Variants in THOC6 observed in about 807,000 individuals in gnomAD.
The protein encoded by THOC6 is THO complex 6.
THOC6 carries 39 observed loss-of-function variants against 55.8 expected under a neutral mutation model. The ratio of observed to expected loss-of-function variants is 0.70; its 90% CI spans 0.54 to 0.91. THOC6 has a LOEUF of 0.91. Ranked by LOEUF, THOC6 falls within the 40% of genes least tolerant of loss-of-function variation. THOC6 has a pLI of 0.00. For missense variants in THOC6, 482 were observed against 442.0 expected, an observed-to-expected ratio of 1.09 and a Z score of -0.81; for synonymous variants, 192 against 175.6, an observed-to-expected ratio of 1.09 and a Z score of -0.74.
In THOC6 at chr16:3,026,183, G is replaced by C. The variant is rs933716814; in HGVS notation, c.324+17G>C. On this transcript the variant is annotated intron_variant, in intron 4 of 12. Transcript: ENST00000326266. ...CTCAAGAAGGTAAGGAGTCGAGCTTGGGAAAGGGCTGGGGTGCCTGGACCC... is the reference window on the plus strand; with the variant it reads ...CTCAAGAAGGTAAGGAGTCGAGCTTCGGAAAGGGCTGGGGTGCCTGGACCC... 4 of 1,612,036 alleles carry C rather than the reference G, an allele frequency of 2.5e-6. No individual in the cohort carries two copies. Among genetic ancestry groups the C allele is most frequent in the Middle Eastern group, 1.7e-4 (1 of 6,050 alleles).
chr16:3,026,576 G>A lies in THOC6; in HGVS notation c.472G>A (p.Gly158Arg), dbSNP rs1359423985. Reference sequence around the variant, plus strand: ...GTTGCACACTATGGACCTTGAAACTGGGACTTTCACGGTGAGCAGGGTCCT... The same window carrying A: ...GTTGCACACTATGGACCTTGAAACTAGGACTTTCACGGTGAGCAGGGTCCT... ...CQLHTMDLET[G>R]TFTRVLRGHT... Residue 158 changes from glycine (G) to arginine (R), a missense_variant, in exon 7 of 13, where the codon GGG becomes AGG. Physicochemically the swap from Gly to Arg is moderately radical, Grantham distance 125 (BLOSUM62 -2). Transcript: ENST00000326266. 1 of 1,614,094 alleles carries A rather than the reference G, an allele frequency of 6.2e-7. No homozygotes were observed. The highest frequency in any genetic ancestry group is 2.2e-5 in the East Asian group (1 of 44,884).
At position 3,025,942 on chromosome 16, in the gene THOC6, C is replaced by G. The variant is rs778312015; in HGVS notation, c.174C>G (p.Ser58Arg). The G allele has an allele frequency of 4.3e-6, 7 of 1,614,106 alleles. No individual in the cohort carries two copies. The highest frequency in any genetic ancestry group is 5.1e-6 in the Non-Finnish European group (6 of 1,180,056). ...IAIFSLSSAL[S>R]SEAKEESKKP... ...CCTGCAGCTTGTCCTCTGCTTTGAG[C>G]TCAGAAGCCAAAGAGGAAAGTAAGA... The change falls in exon 3 of 13, where the codon AGC (serine) becomes AGG (arginine). Residue 58 changes from serine to arginine, a missense_variant. Coordinates refer to ENST00000326266, the MANE Select transcript of THOC6 (RefSeq NM_024339.5).
Position 3,024,181 on chromosome 16 carries a change from C to G in THOC6, c.-146C>G, listed in dbSNP as rs558356453. ...TGTCGGGGGTCTTCGCGGCGCTCAC[C>G]TCGGCTCCTAGGGTTCGGGACGGTA... is the stretch of plus-strand genomic sequence containing the variant. On this transcript the variant is annotated 5_prime_UTR_variant, in exon 1 of 13. Transcript: ENST00000326266. The G allele has an allele frequency of 2.0e-6, 2 of 1,004,246 alleles. No homozygotes were observed. The highest frequency in any genetic ancestry group is 1.5e-6 in the Non-Finnish European group (1 of 669,868). 62.2% of individuals were successfully genotyped at this position (1,004,246 alleles called of 1,614,324 possible). A position where few individuals can be genotyped will look rare whatever the true frequency, so the allele number is the denominator to read the frequency against.
In THOC6 at chr16:3,027,298, AC is replaced by A; in HGVS notation, c.810+19del. On this transcript the variant is annotated intron_variant, in intron 11 of 12. Transcript: ENST00000326266. ...AGGACCTGGTGAGGCCCTGTGTCTCACTTCTGCCACCCCCACTGACTCTTCC... is the reference window on the plus strand; with the variant it reads ...AGGACCTGGTGAGGCCCTGTGTCTCATTCTGCCACCCCCACTGACTCTTCC... 6.2e-7 allele frequency: 1 copy of A among 1,614,148 alleles called. No homozygotes were observed.
intron 7 of THOC6, 42 bp from the exon 8 acceptor site, chr16:3,026,637 C>G (rs1449123283): frequency 6.2e-7 from 1 of 1,611,432 alleles, no homozygotes; most frequent in Non-Finnish European, 8.5e-7. Context: ...GGGAGAGGCA[C>G]TCTTCCTAGG....
chr16:3,024,219 C>G lies in THOC6; in HGVS notation c.-108C>G. ...GTTCGGGACGGTACGCACCAGCCACCTTCGCGCCGAAGGCGGTAGGGCGCC... is the reference window on the plus strand; with the variant it reads ...GTTCGGGACGGTACGCACCAGCCACGTTCGCGCCGAAGGCGGTAGGGCGCC... On this transcript the variant is annotated 5_prime_UTR_variant, in exon 1 of 13. Transcript: ENST00000326266. 1 of 1,441,714 alleles carries G rather than the reference C, an allele frequency of 6.9e-7. No homozygotes were observed. Among genetic ancestry groups the G allele is most frequent in the Non-Finnish European group, 9.6e-7 (1 of 1,036,640 alleles). 89.3% of individuals were successfully genotyped at this position (1,441,714 alleles called of 1,614,324 possible). A position where few individuals can be genotyped will look rare whatever the true frequency, so the allele number is the denominator to read the frequency against.
rs1051024053 is a variant in THOC6, at chr16:3,024,090, G to A, written c.-237G>A. The A allele has an allele frequency of 5.3e-6, 4 of 750,222 alleles. No homozygotes were observed. The South Asian group carries it at 7.3e-5, about 14-fold the overall frequency. The allele number at this position is 750,222 out of a possible 1,614,324, so 46.5% of individuals were successfully genotyped here. Reference sequence around the variant, plus strand: ...GACGGGCGGCGCGTGGCGGAAGGCAGGCTTGCTCCTCGGGGTGGGGGAGGG... The same window carrying A: ...GACGGGCGGCGCGTGGCGGAAGGCAAGCTTGCTCCTCGGGGTGGGGGAGGG... On this transcript the variant is annotated 5_prime_UTR_variant, in exon 1 of 13. Coordinates refer to ENST00000326266, the MANE Select transcript of THOC6 (RefSeq NM_024339.5).
At chr16:3,024,386 G>C (rs113792701) in intron 1 of THOC6, 21 bp downstream of exon 1, 5 of 1,614,108 alleles carry the variant, frequency 3.1e-6, no homozygotes, top group South Asian at 1.1e-5. Flanking sequence ...CGTGGTGCGC[G>C]TTGCCTTCTG....
Position 3,026,066 on chromosome 16 carries a change from A to T in THOC6, c.224A>T (p.His75Leu), listed in dbSNP as rs1243956756. ...TCAGTTCTGCATTTCTCTTTAGCCCATGATGGGCCCGTCTATAGCATGGTT... is the reference window on the plus strand; with the variant it reads ...TCAGTTCTGCATTTCTCTTTAGCCCTTGATGGGCCCGTCTATAGCATGGTT... The part of the protein sequence containing the change: ...SKKPVVTFQA[H>L]DGPVYSMVST... The change falls in exon 4 of 13, where the codon CAT (histidine) becomes CTT (leucine). Residue 75 changes from histidine (H) to leucine (L), a missense_variant. Transcript: ENST00000326266. The T allele has an allele frequency of 6.2e-7, 1 of 1,612,628 alleles. No individual in the cohort carries two copies. Among genetic ancestry groups the T allele is most frequent in the African/African-American group, 1.3e-5 (1 of 75,022 alleles).
chr16:3,026,646 G>A, intron 7 of THOC6, 33 bp from the exon 8 acceptor site: 1 of 1,611,038 alleles, frequency 6.2e-7, no homozygotes, highest in Non-Finnish European at 8.5e-7. Flanking sequence ...ACTCTTCCTA[G>A]GTCTCCTCCT....
chr16:3,024,068 G>A lies in THOC6; in HGVS notation c.-259G>A, dbSNP rs868090543. ...GAGGTTCTGCGCGGGCGCGGAAGAC[G>A]GGCGGCGCGTGGCGGAAGGCAGGCT... On this transcript the variant is annotated 5_prime_UTR_variant, in exon 1 of 13. Coordinates refer to ENST00000326266, the MANE Select transcript of THOC6 (RefSeq NM_024339.5). 2.0e-5 allele frequency: 17 copies of A among 837,358 alleles called. No homozygotes were observed. In the Middle Eastern group the frequency reaches 4.2e-3, roughly 205 times the overall value. The allele number at this position is 837,358 out of a possible 1,614,324, so 51.9% of individuals were successfully genotyped here.
In THOC6 at chr16:3,027,516, G is replaced by A. The variant is rs1349526149; in HGVS notation, c.945+16G>A. 1 of 1,611,912 alleles carries A rather than the reference G, an allele frequency of 6.2e-7. No homozygotes were observed. Among genetic ancestry groups the A allele is most frequent in the Admixed American group, 1.7e-5 (1 of 59,866 alleles). On this transcript the variant is annotated intron_variant, in intron 12 of 12. Coordinates refer to ENST00000326266, the MANE Select transcript of THOC6 (RefSeq NM_024339.5). ...TGAGTGCAAGGTGGGTCCGGCAGGG[G>A]CCGCGGAGCGGCTGGGAGGCAGGGG...
At position 3,027,177 on chromosome 16, in the gene THOC6, G is replaced by A; in HGVS notation, c.707G>A (p.Gly236Glu). The change falls in exon 11 of 13, where the codon GGA (glycine) becomes GAA (glutamate). Residue 236 changes from glycine (G) to glutamate (E), a missense_variant. Coordinates refer to ENST00000326266, the MANE Select transcript of THOC6 (RefSeq NM_024339.5). ...TCCCACCTTTCTGTCCAGGTCTGTG[G>A]AGGGGGCCCAGCCCTCACCCTCTGG... ...LATDSDWMVC[G>E]GGPALTLWHL... The A allele has an allele frequency of 6.2e-7, 1 of 1,614,142 alleles. No individual in the cohort carries two copies.
In THOC6 at chr16:3,025,732, C is replaced by T. The variant is rs781464522; in HGVS notation, c.64C>T (p.Arg22Trp). 25 of 1,613,950 alleles carry T rather than the reference C, an allele frequency of 1.5e-5. No homozygotes were observed. Among genetic ancestry groups the T allele is most frequent in the South Asian group, 8.8e-5 (8 of 91,078 alleles). The change falls in exon 2 of 13, where the codon CGG becomes TGG. Residue 22 changes from arginine (R) to tryptophan (W), a missense_variant. Physicochemically the swap from Arg to Trp is moderately radical, Grantham distance 101 (BLOSUM62 -3). Transcript: ENST00000326266. ...GQTEVFQALQ[R>W]LHMTIFSQSV... is the part of the protein sequence containing the mutation. ...GACAGAGGTGTTCCAGGCCTTGCAG[C>T]GGCTCCATATGACCATCTTCTCCCA...
At chr16:3,025,512 C>G (rs140851899) in intron 1 of THOC6, among the ~76,000 whole-genome samples, 196 bp from the exon 2 acceptor site, 1 of 152,256 alleles carries the variant, frequency 6.6e-6, no homozygotes, top group South Asian at 2.1e-4. Context: ...CTCAACTCTC[C>G]CCTTCTTCAG....
At chr16:3,024,937 ATTT>A (rs35849212) in intron 1 of THOC6, among the ~76,000 whole-genome samples, 18 of 102,336 alleles carry the variant, frequency 1.8e-4, no homozygotes, top group East Asian at 5.1e-4. Flanking sequence ...GCCCGGCCAA[ATTT>A]TTTTTTTTTT....
chr16:3,025,546 G>A (rs1286902507), intron 1 of THOC6, among the ~76,000 whole-genome samples, 162 bp from the exon 2 acceptor site: 3 of 152,248 alleles, frequency 2.0e-5, no homozygotes, highest in Non-Finnish European at 2.9e-5. Context: ...CCACCCATGG[G>A]ACTGCATGGG....
chr16:3,027,637 G>T lies in THOC6; in HGVS notation c.1006G>T (p.Ala336Ser), dbSNP rs764859699. The T allele has an allele frequency of 3.1e-6, 5 of 1,614,090 alleles. No homozygotes were observed. Among genetic ancestry groups the T allele is most frequent in the Non-Finnish European group, 4.2e-6 (5 of 1,179,996 alleles). The stretch of plus-strand genomic sequence containing the variant: ...TGTCTTCACCAACCTGGGTTACCGA[G>T]CCTTCTCCCTGTCCTTCTGATCTCT... The part of the protein sequence containing the change: ...VDVFTNLGYR[A>S]FSLSF The change falls in exon 13 of 13, where the codon GCC (alanine) becomes TCC (serine). Residue 336 changes from alanine (A) to serine (S), a missense_variant. By Grantham distance (99) the Ala-to-Ser change is moderately conservative. Transcript: ENST00000326266.
Position 3,027,268 on chromosome 16 carries a change from C to T in THOC6, c.798C>T (p.Phe266=). 6.2e-7 allele frequency: 1 copy of T among 1,614,228 alleles called. No individual in the cohort carries two copies. The highest frequency in any genetic ancestry group is 8.5e-7 in the Non-Finnish European group (1 of 1,180,046). ...PIRAPQKHVT[F]YQDLILSAGQ... ...GGGCGCCACAGAAGCACGTCACCTT[C>T]TACCAGGACCTGGTGAGGCCCTGTG... Residue 266 remains phenylalanine (F), a synonymous_variant, in exon 11 of 13, where the codon TTC becomes TTT. Transcript: ENST00000326266.
Sources: gnomAD v4.1 joint callset for allele counts (sites outside exome capture counted in the v4.1 genomes callset) on GRCh38, gnomAD v4.1.1 for gene constraint, MANE v1.5 for transcripts, NCBI Gene and HGNC (gene_info 2026-07-23, HGNC 2026-07-21) for gene names.